EEFSEC: variants seen among roughly 807,000 people sequenced by gnomAD.
EEFSEC encodes the protein eukaryotic elongation factor, selenocysteine-tRNA specific.
In EEFSEC, 43 loss-of-function variants were observed where a neutral mutation model predicts 42.1. The observed-to-expected ratio is 1.02, with a 90% CI of 0.80 to 1.32. The LOEUF is 1.32. Among genes scored for constraint, EEFSEC ranks in the 40% most tolerant of loss-of-function variants. The pLI is 0.00. For missense variants in EEFSEC, 745 were observed against 803.6 expected (o/e 0.93, Z 0.88); for synonymous variants, 354 against 339.1 (o/e 1.04, Z -0.48).
chr3:128,301,939 C>T (rs1192809357), intron 4 of EEFSEC, among the ~76,000 whole-genome samples: 1 of 152,028 alleles, frequency 6.6e-6, no homozygotes, highest in Admixed American at 6.6e-5. Context: ...GCAGAAGGGA[C>T]CTGGGGGGCT....
chr3:128,306,150 G>A (rs192870732), intron 4 of EEFSEC, among the ~76,000 whole-genome samples: 2 of 152,230 alleles, frequency 1.3e-5, no homozygotes, highest in East Asian at 1.9e-4. Context: ...GCTGTTTGGA[G>A]TTTATTGAGT....
Position 128,153,818 on chromosome 3 carries a change from T to A in EEFSEC, c.311T>A (p.Ile104Asn). ...PGHASLIRTI[I>N]GGAQIIDLMM... is the part of the protein sequence containing the mutation. Reference sequence around the variant, plus strand: ...CACGCCTCCCTCATCCGGACCATCATCGGCGGTGAGCGCGGGCCGGGGCGG... The same window carrying A: ...CACGCCTCCCTCATCCGGACCATCAACGGCGGTGAGCGCGGGCCGGGGCGG... Residue 104 changes from isoleucine to asparagine, a missense_variant, in exon 1 of 7, where the codon ATC (isoleucine) becomes AAC (asparagine). Coordinates refer to ENST00000254730, the MANE Select transcript of EEFSEC (RefSeq NM_021937.5). The A allele has an allele frequency of 6.6e-7, 1 of 1,505,622 alleles. No individual in the cohort carries two copies. The highest frequency in any genetic ancestry group is 8.8e-7 in the Non-Finnish European group (1 of 1,133,750). 93.3% of individuals were successfully genotyped at this position (1,505,622 alleles called of 1,614,324 possible).
chr3:128,338,967 G>A (rs1474479662), intron 4 of EEFSEC, among the ~76,000 whole-genome samples: 1 of 152,210 alleles, frequency 6.6e-6, no homozygotes, highest in Non-Finnish European at 1.5e-5. Flanking sequence ...TGCTTTATCA[G>A]AGAAACATTT....
intron 1 of EEFSEC, among the ~76,000 whole-genome samples, chr3:128,211,712 C>T (rs1157559711): frequency 1.3e-5 from 2 of 151,582 alleles, no homozygotes; most frequent in East Asian, 1.9e-4. Context: ...GACTGGGTTT[C>T]ACCATATTGC....
intron 5 of EEFSEC, among the ~76,000 whole-genome samples, chr3:128,347,226 C>G (rs1158394489): frequency 9.3e-5 from 14 of 150,612 alleles, no homozygotes; most frequent in Non-Finnish European, 1.5e-4. Flanking sequence ...ACGTGTACTT[C>G]TATAAGAGTG....
intron 4 of EEFSEC, among the ~76,000 whole-genome samples, chr3:128,318,454 C>T (rs566253498): frequency 6.6e-6 from 1 of 152,304 alleles, no homozygotes; most frequent in East Asian, 1.9e-4. Context: ...CCCTGTCCCA[C>T]CCGTTCCTGC....
intron 5 of EEFSEC, among the ~76,000 whole-genome samples, chr3:128,347,888 A>T (rs1448776337): frequency 6.6e-6 from 1 of 152,354 alleles, no homozygotes; most frequent in East Asian, 1.9e-4. Context: ...ACATAAGGAC[A>T]ACGAGGCAGA....
chr3:128,329,082 T>G (rs1003585385), intron 4 of EEFSEC, among the ~76,000 whole-genome samples: 3 of 152,138 alleles, frequency 2.0e-5, no homozygotes, highest in Non-Finnish European at 4.4e-5. Context: ...TCTTCCCTAT[T>G]TCTTCTTATC....
downstream of EEFSEC, among the ~76,000 whole-genome samples, chr3:128,410,297 C>G (rs2068165237): frequency 6.6e-6 from 1 of 152,226 alleles, no homozygotes; most frequent in Non-Finnish European, 1.5e-5. Context: ...CTCAGAGTCC[C>G]TGCACATTGG....
At chr3:128,404,642 G>A (rs987003603) in intron 6 of EEFSEC, among the ~76,000 whole-genome samples, 1 of 152,206 alleles carries the variant, frequency 6.6e-6, no homozygotes, top group Non-Finnish European at 1.5e-5. Context: ...TCACTTGAGG[G>A]GACTGGCCAG....
At chr3:128,269,229 A>G (rs1489386798) in intron 4 of EEFSEC, among the ~76,000 whole-genome samples, 2 of 152,266 alleles carry the variant, frequency 1.3e-5, no homozygotes, top group African/African-American at 4.8e-5. Context: ...AGCCCTGGCC[A>G]TGTGCCCTGC....
At chr3:128,205,613 AC>A (rs1480482650) in intron 1 of EEFSEC, among the ~76,000 whole-genome samples, 18 of 152,264 alleles carry the variant, frequency 1.2e-4, no homozygotes, top group Non-Finnish European at 2.2e-4. Context: ...ATTTTATTAG[AC>A]CATTAAGTTG....
At chr3:128,376,998 G>T (rs2067717409) in intron 6 of EEFSEC, among the ~76,000 whole-genome samples, 2 of 152,104 alleles carry the variant, frequency 1.3e-5, no homozygotes, top group South Asian at 4.1e-4. Context: ...CCTGGCCCCA[G>T]ACTTTTGTTT....
At chr3:128,357,041 T>C (rs2107587245) in intron 5 of EEFSEC, among the ~76,000 whole-genome samples, 1 of 152,372 alleles carries the variant, frequency 6.6e-6, no homozygotes, top group South Asian at 2.1e-4. Context: ...GTGAAATTGA[T>C]GGTCCAGATG....
At chr3:128,389,938 A>G (rs2107622693) in intron 6 of EEFSEC, among the ~76,000 whole-genome samples, 1 of 152,330 alleles carries the variant, frequency 6.6e-6, no homozygotes, top group African/African-American at 2.4e-5. Context: ...GTCCGGTTGC[A>G]GGGGTGGCTG....
chr3:128,362,283 C>G (rs372640525), intron 6 of EEFSEC: 1 of 501,968 alleles, frequency 2.0e-6, no homozygotes, highest in African/African-American at 1.9e-5. Context: ...CCTGTTCCCA[C>G]TTTGCAGGGA....
intron 6 of EEFSEC, among the ~76,000 whole-genome samples, chr3:128,373,155 A>T (rs1044885642): frequency 6.6e-6 from 1 of 152,162 alleles, no homozygotes; most frequent in Non-Finnish European, 1.5e-5. Flanking sequence ...ACAGCTGAGA[A>T]AGGGAGGAGG....
intron 1 of EEFSEC, among the ~76,000 whole-genome samples, chr3:128,157,437 G>T (rs573319728): frequency 1.3e-5 from 2 of 152,248 alleles, no homozygotes; most frequent in Non-Finnish European, 2.9e-5. Flanking sequence ...ATATGGAGAA[G>T]ATGCTATGTA....
At chr3:128,402,699 C>G (rs1382063509) in intron 6 of EEFSEC, among the ~76,000 whole-genome samples, 3 of 152,204 alleles carry the variant, frequency 2.0e-5, no homozygotes, top group African/African-American at 7.2e-5. Context: ...CTAGAAGTGC[C>G]TTTCTTAGTT....
Sources: allele counts gnomAD v4.1 joint callset (sites outside exome capture counted in the v4.1 genomes callset), GRCh38; gene constraint gnomAD v4.1.1; transcripts MANE v1.5; gene names NCBI Gene and HGNC (gene_info 2026-07-23, HGNC 2026-07-21).